Variants in OSBPL10 observed in about 807,000 individuals in gnomAD.
The protein encoded by OSBPL10 is oxysterol binding protein like 10, also known as oxysterol-binding protein-related protein 10.
OSBPL10 carries 49 observed loss-of-function variants against 81.7 expected under a neutral mutation model. The ratio of observed to expected loss-of-function variants is 0.60; its 90% CI spans 0.48 to 0.76. OSBPL10 has a LOEUF of 0.76. OSBPL10 is among the 30% of genes least tolerant of loss of function. The pLI, the probability that OSBPL10 is intolerant of heterozygous loss-of-function variation, is 0.00. For missense variants in OSBPL10, 923 were observed against 987.8 expected (o/e 0.93, Z 0.88); for synonymous variants, 419 against 383.6 (o/e 1.09, Z -1.08).
At chr3:31,713,519 C>T (rs753667049) in intron 6 of OSBPL10, among the ~76,000 whole-genome samples, 2 of 152,162 alleles carry the variant, frequency 1.3e-5, no homozygotes, top group Non-Finnish European at 2.9e-5. Flanking sequence ...GCCTCAGCCT[C>T]CCAAGTAGCT....
chr3:31,669,244 T>C (rs1700268512), intron 9 of OSBPL10, among the ~76,000 whole-genome samples: 1 of 151,934 alleles, frequency 6.6e-6, no homozygotes, highest in Admixed American at 6.6e-5. Flanking sequence ...AAGAACTTAC[T>C]CATGTAAGCA....
intron 4 of OSBPL10, among the ~76,000 whole-genome samples, chr3:31,791,106 T>A (rs2125422707): frequency 6.6e-6 from 1 of 152,318 alleles, no homozygotes; most frequent in South Asian, 2.1e-4. Flanking sequence ...AATACCTGTG[T>A]GACCTTTTTA....
At chr3:32,017,123 T>C (rs1699320068) in intron 2 of OSBPL10, among the ~76,000 whole-genome samples, 1 of 152,214 alleles carries the variant, frequency 6.6e-6, no homozygotes, top group African/African-American at 2.4e-5. Flanking sequence ...ACAGCATGCA[T>C]TTATTGAACT....
intron 2 of OSBPL10, among the ~76,000 whole-genome samples, chr3:32,045,067 A>G (rs576545489): frequency 6.6e-6 from 1 of 152,242 alleles, no homozygotes; most frequent in African/African-American, 2.4e-5. Flanking sequence ...CTTAACCCAC[A>G]TTTTTTGTTG....
intron 1 of OSBPL10, among the ~76,000 whole-genome samples, chr3:31,901,699 C>T (rs1169067925): frequency 1.3e-5 from 2 of 152,214 alleles, no homozygotes; most frequent in African/African-American, 2.4e-5. Context: ...GGCGGAACCA[C>T]ATCAGGATTC....
intron 1 of OSBPL10, among the ~76,000 whole-genome samples, chr3:31,894,600 A>G (rs903565966): frequency 2.6e-5 from 4 of 152,168 alleles, no homozygotes; most frequent in African/African-American, 9.6e-5. Flanking sequence ...AAGGAAAAGA[A>G]CTTCTCTTCC....
rs1048319922 is a variant in OSBPL10, at chr3:31,919,714, G to A, written c.282-39884C>T. Among the ~76,000 whole-genome samples the A allele has an allele frequency of 3.3e-5, 5 of 152,188 alleles. No homozygotes were observed. The South Asian group carries it at 8.3e-4, about 25-fold the overall frequency. On this transcript the variant is annotated intron_variant, in intron 1 of 11. Coordinates refer to ENST00000396556, the MANE Select transcript of OSBPL10 (RefSeq NM_017784.5). ...AGGGAGGCAGTTCACAGAGCAGGAG[G>A]AATGGCTTCCAGAATGTGCCTCCAA...
At chr3:31,829,930 G>A (rs1700194882) in intron 4 of OSBPL10, 110 bp downstream of exon 4, 1 of 1,120,748 alleles carries the variant, frequency 8.9e-7, no homozygotes, top group Non-Finnish European at 1.2e-6. Flanking sequence ...TTTGCTGCTG[G>A]TCCTCTCTCC....
chr3:32,070,460 C>A (rs1427422494), intron 1 of OSBPL10, among the ~76,000 whole-genome samples: 1 of 152,174 alleles, frequency 6.6e-6, no homozygotes, highest in Non-Finnish European at 1.5e-5. Context: ...AAGCCTCCTT[C>A]GTGTCTTCCT....
At chr3:31,714,131 T>C (rs1485611997) in intron 6 of OSBPL10, 1 of 152,140 alleles carries the variant, frequency 6.6e-6, no homozygotes, top group Non-Finnish European at 1.5e-5. Context: ...GAGAGCAGTT[T>C]TGGAAGACTC....
intron 1 of OSBPL10, among the ~76,000 whole-genome samples, chr3:32,050,141 T>A (rs1699658128): frequency 6.6e-6 from 1 of 152,204 alleles, no homozygotes; most frequent in African/African-American, 2.4e-5. Flanking sequence ...CAGTACTTTC[T>A]CTTGATCTTC....
chr3:31,685,927 G>A (rs1178767593), intron 7 of OSBPL10, among the ~76,000 whole-genome samples: 1 of 152,196 alleles, frequency 6.6e-6, no homozygotes, highest in East Asian at 1.9e-4. Flanking sequence ...TTAGGAAGTG[G>A]GGACTAGTAG....
chr3:31,921,782 G>A (rs1416292205), intron 1 of OSBPL10, among the ~76,000 whole-genome samples: 2 of 152,196 alleles, frequency 1.3e-5, no homozygotes, highest in Non-Finnish European at 2.9e-5. Context: ...AAGGACAGGA[G>A]AGGAGAGAAA....
intron 3 of OSBPL10, among the ~76,000 whole-genome samples, chr3:31,855,008 T>G (rs953310412): frequency 1.3e-5 from 2 of 150,814 alleles, no homozygotes; most frequent in African/African-American, 2.4e-5. Flanking sequence ...GTCATGGTTT[T>G]GTTTTGTTTT....
At chr3:31,688,574 A>C (rs1480562798) in intron 7 of OSBPL10, among the ~76,000 whole-genome samples, 1 of 152,164 alleles carries the variant, frequency 6.6e-6, no homozygotes, top group Non-Finnish European at 1.5e-5. Flanking sequence ...CTAGCAAAAA[A>C]CAAGACAAAC....
intron 5 of OSBPL10, among the ~76,000 whole-genome samples, chr3:31,735,838 G>C (rs1353443305): frequency 3.9e-5 from 6 of 152,110 alleles, no homozygotes; most frequent in Admixed American, 3.9e-4. Context: ...AGCACTGTCT[G>C]AACTCACTAG....
At chr3:31,739,496 G>T (rs1045830389) in intron 5 of OSBPL10, among the ~76,000 whole-genome samples, 12 of 152,280 alleles carry the variant, frequency 7.9e-5, no homozygotes, top group African/African-American at 2.9e-4. Flanking sequence ...CATTAATAAA[G>T]TTAAATGACA....
At chr3:31,774,616 G>A (rs1337468610) in intron 4 of OSBPL10, among the ~76,000 whole-genome samples, 3 of 151,898 alleles carry the variant, frequency 2.0e-5, no homozygotes, top group African/African-American at 4.8e-5. Flanking sequence ...AGGTTCAAGC[G>A]ATTCTCCTGC....
At chr3:31,804,754 C>T (rs1443359582) in intron 4 of OSBPL10, among the ~76,000 whole-genome samples, 1 of 152,216 alleles carries the variant, frequency 6.6e-6, no homozygotes, top group Non-Finnish European at 1.5e-5. Flanking sequence ...TAAACAGCAG[C>T]ATTCGTGATC....
Sources: allele counts gnomAD v4.1 joint callset (sites outside exome capture counted in the v4.1 genomes callset), GRCh38; gene constraint gnomAD v4.1.1; transcripts MANE v1.5; gene names NCBI Gene and HGNC (gene_info 2026-07-23, HGNC 2026-07-21).